The following C16orf96 variants were observed in gnomAD, a reference collection of about 807,000 sequenced individuals.
C16orf96 encodes the protein chromosome 16 open reading frame 96.
C16orf96 carries 108 observed loss-of-function variants against 103.6 expected under a neutral mutation model. The observed-to-expected ratio is 1.04, with a 90% confidence interval of 0.89 to 1.22. The LOEUF is 1.22. Ranked by LOEUF, C16orf96 falls within the 50% of genes most tolerant of loss-of-function variation. The pLI, the probability that C16orf96 is intolerant of heterozygous loss-of-function variation, is 0.00. For synonymous variants in C16orf96, 566 were observed against 593.5 expected (o/e 0.95, Z 0.67); for missense variants, 1,586 against 1,464.2 (o/e 1.08, Z -1.36).
intron 7 of C16orf96, among the ~76,000 whole-genome samples, chr16:4,581,231 A>G (rs1271469475): frequency 6.9e-6 from 1 of 144,458 alleles, no homozygotes; most frequent in African/African-American, 2.5e-5. Flanking sequence ...GCTACCTGGG[A>G]GGATGAGGCA....
the C16orf96 span, among the ~76,000 whole-genome samples, chr16:4,546,781 C>G: frequency 6.6e-6 from 1 of 151,954 alleles, no homozygotes; most frequent in Non-Finnish European, 1.5e-5. Context: ...CTCTGGTTTT[C>G]TTTGACACAA....
In C16orf96 at chr16:4,594,474, T is replaced by A; in HGVS notation, c.2991T>A (p.Tyr997Ter). The A allele has an allele frequency of 6.4e-7, 1 of 1,551,462 alleles. No individual in the cohort carries two copies. Among genetic ancestry groups the A allele is most frequent in the Non-Finnish European group, 8.7e-7 (1 of 1,146,986 alleles). ...KCKSCNLLTLYPYGDPHVIDY... is the reference protein window; with the variant it reads ...KCKSCNLLTL ...AGTCCTGCAACCTGTTGACGCTCTATCCCTACGGGGATCCCCACGTGATCG... is the reference window on the plus strand; with the variant it reads ...AGTCCTGCAACCTGTTGACGCTCTAACCCTACGGGGATCCCCACGTGATCG... Residue 997 changes from tyrosine (Y) to a stop codon, truncating the protein, a stop_gained, in exon 13 of 16, where the codon TAT becomes TAA. Transcript: ENST00000444310. LOFTEE classifies it high-confidence loss of function.
rs139015703 is a variant in C16orf96, at chr16:4,595,973, C to T, written c.3127+1170C>T. 5.3e-5 allele frequency among the ~76,000 whole-genome samples: 8 copies of T among 152,186 alleles called. No homozygotes were observed. In the East Asian group the frequency reaches 1.6e-3, roughly 30 times the overall value. ...AAGTGCAAGGATTACAGGCATGAGCCTCTGCGCCTGGCCCACCGGCAGAAA... is the reference window on the plus strand; with the variant it reads ...AAGTGCAAGGATTACAGGCATGAGCTTCTGCGCCTGGCCCACCGGCAGAAA... On this transcript the variant is annotated intron_variant, in intron 14 of 15. Coordinates refer to ENST00000444310, the MANE Select transcript of C16orf96 (RefSeq NM_001145011.2).
intron 5 of C16orf96, among the ~76,000 whole-genome samples, chr16:4,577,751 T>A (rs1596527225): frequency 6.6e-6 from 1 of 151,714 alleles, no homozygotes; most frequent in African/African-American, 2.4e-5. Context: ...AAGTCAGGAG[T>A]TCGAGACCAG....
intron 14 of C16orf96, among the ~76,000 whole-genome samples, chr16:4,595,766 G>A (rs1369197468): frequency 6.6e-6 from 1 of 152,108 alleles, no homozygotes; most frequent in African/African-American, 2.4e-5. Flanking sequence ...GAGTGCAGTG[G>A]TGCGATCTCG....
At chr16:4,590,271 A>G (rs1482641755) in intron 9 of C16orf96, among the ~76,000 whole-genome samples, 2 of 150,694 alleles carry the variant, frequency 1.3e-5, no homozygotes, top group African/African-American at 2.4e-5. Context: ...TTAAAAAACT[A>G]TTTTTGGCCA....
the C16orf96 span, among the ~76,000 whole-genome samples, chr16:4,543,465 G>T: frequency 2.0e-4 from 31 of 152,130 alleles, no homozygotes; most frequent in East Asian, 4.1e-3. Flanking sequence ...AATATGACTA[G>T]ATTCTTGTTT....
intron 7 of C16orf96, among the ~76,000 whole-genome samples, chr16:4,584,365 T>TTTTTTTTTTTTTTTTTTGTTTTTGTTC: frequency 6.9e-6 from 1 of 144,926 alleles, no homozygotes; most frequent in Non-Finnish European, 1.5e-5. Context: ...TTTTTTTTTT[T>TTTTTTTTTTTTTTTTTTGTTTTTGTTC]GAGATACAGT....
intron 7 of C16orf96, among the ~76,000 whole-genome samples, chr16:4,584,675 C>T (rs780199003): frequency 1.4e-4 from 21 of 152,130 alleles, no homozygotes; most frequent in Non-Finnish European, 2.6e-4. Context: ...GCTGGGGTAA[C>T]AGGCGTTTGC....
intron 5 of C16orf96, among the ~76,000 whole-genome samples, chr16:4,576,934 G>A (rs946253534): frequency 6.6e-6 from 1 of 152,210 alleles, no homozygotes; most frequent in African/African-American, 2.4e-5. Context: ...GCTCCCACCT[G>A]TAATCCCAGC....
the C16orf96 span, among the ~76,000 whole-genome samples, chr16:4,542,263 G>T: frequency 1.3e-5 from 2 of 152,212 alleles, no homozygotes; most frequent in African/African-American, 2.4e-5. Context: ...TACTCAGGAG[G>T]CTGAGGCAGG....
At chr16:4,583,924 CAAAAAAAAAAAA>C (rs58974530) in intron 7 of C16orf96, among the ~76,000 whole-genome samples, 13 of 78,130 alleles carry the variant, frequency 1.7e-4, no homozygotes, top group Non-Finnish European at 3.3e-4. Context: ...GACTGTATCT[CAAAAAAAAAAAA>C]AAAAAAAAAA....
rs549071037 is a variant in C16orf96 at position 4,562,924 on chromosome 16, C to T, written c.420+6015C>T. ...CCTGGTTTCATTTCACCTTCAGGAT[C>T]CATCCAATATTCTCCAATATCAATT... On this transcript the variant is annotated intron_variant, in intron 1 of 15. Transcript: ENST00000444310. 1,271 of 1,414,678 alleles carry T rather than the reference C, an allele frequency of 9.0e-4. 17 individuals carry two copies. In the South Asian group the frequency reaches 0.014, roughly 16 times the overall value. The allele number at this position is 1,414,678 out of a possible 1,614,324, so 87.6% of individuals were successfully genotyped here.
chr16:4,571,581 C>G lies in C16orf96; in HGVS notation c.441C>G (p.Asp147Glu). The G allele has an allele frequency of 7.1e-6, 11 of 1,552,270 alleles. No homozygotes were observed. The highest frequency in any genetic ancestry group is 9.6e-6 in the Non-Finnish European group (11 of 1,147,062). ...VMAKSMQTLQ[D>E]LLTDLHALQV... ...TGCAGTCAATGCAGACCCTGCAGGA[C>G]TTGCTCACTGATCTTCATGCACTCC... The change falls in exon 2 of 16, where the codon GAC becomes GAG. Residue 147 changes from aspartate (D) to glutamate (E), a missense_variant. By Grantham distance (45) the Asp-to-Glu change is conservative (BLOSUM62 2). Coordinates refer to ENST00000444310, the MANE Select transcript of C16orf96 (RefSeq NM_001145011.2).
chr16:4,556,804 C>A lies in C16orf96; in HGVS notation c.315C>A (p.Ala105=), dbSNP rs187639006. The A allele has an allele frequency of 1.6e-4, 250 of 1,551,664 alleles. 3 individuals are homozygous for A. In the East Asian group the frequency reaches 6.1e-3, roughly 38 times the overall value. ...TGCTGCAGGACCTGCCCTCCACTGC[C>A]CAGCTGCTGGAAGCCAGCCAGGGCA... ...LALLQDLPST[A]QLLEASQGTA... The change falls in exon 1 of 16, where the codon GCC becomes GCA. Residue 105 remains alanine (A), a synonymous_variant. Coordinates refer to ENST00000444310, the MANE Select transcript of C16orf96 (RefSeq NM_001145011.2).
At chr16:4,544,469 G>A in the C16orf96 span, among the ~76,000 whole-genome samples, 89 of 152,278 alleles carry the variant, frequency 5.8e-4, no homozygotes, top group African/African-American at 2.1e-3. Flanking sequence ...TTAGCTGGGT[G>A]TGGTGCACGT....
At chr16:4,565,042 CAT>C (rs1238627451) in intron 1 of C16orf96, among the ~76,000 whole-genome samples, 5 of 152,132 alleles carry the variant, frequency 3.3e-5, no homozygotes, top group Non-Finnish European at 7.4e-5. Flanking sequence ...CAAAGTCCCA[CAT>C]GTGACCGTGT....
chr16:4,542,949 A>G, the C16orf96 span, among the ~76,000 whole-genome samples: 1 of 152,198 alleles, frequency 6.6e-6, no homozygotes, highest in East Asian at 1.9e-4. Flanking sequence ...TGTATTGGAC[A>G]GCACAGATCT....
chr16:4,562,461 C>CAA (rs71402546), intron 1 of C16orf96, among the ~76,000 whole-genome samples: 93,676 of 141,872 alleles, frequency 0.66, 32,532 homozygotes, highest in East Asian at 0.86. Flanking sequence ...AAGACTGTGT[C>CAA]AAAAAAAAAA....
Sources: gnomAD v4.1 joint callset for allele counts (sites outside exome capture counted in the v4.1 genomes callset) on GRCh38, gnomAD v4.1.1 for gene constraint, MANE v1.5 for transcripts, NCBI Gene and HGNC (gene_info 2026-07-23, HGNC 2026-07-21) for gene names.